Variants in RTTN observed in about 807,000 individuals in gnomAD.
RTTN encodes the protein rotatin.
A neutral mutation model predicts 269.2 loss-of-function variants in RTTN; 182 were observed. That is an observed-to-expected ratio of 0.68 (90% CI 0.60 to 0.76). RTTN has a LOEUF of 0.76. RTTN is among the 30% of genes least tolerant of loss of function. RTTN has a pLI of 0.00. For missense variants in RTTN, 2,545 were observed against 2,608.6 expected, an observed-to-expected ratio of 0.98 and a Z score of 0.53; for synonymous variants, 1,006 against 963.5, an observed-to-expected ratio of 1.04 and a Z score of -0.82.
At chr18:70,069,385 C>A (rs1355025078) in intron 34 of RTTN, among the ~76,000 whole-genome samples, 2 of 152,106 alleles carry the variant, frequency 1.3e-5, no homozygotes, top group Non-Finnish European at 2.9e-5. Context: ...GGACTCAAAT[C>A]TTGCTTATAA....
At chr18:70,022,115 T>C (rs1401641711) in intron 44 of RTTN, among the ~76,000 whole-genome samples, 3 of 152,216 alleles carry the variant, frequency 2.0e-5, no homozygotes, top group African/African-American at 2.4e-5. Context: ...TACTTAACAC[T>C]GCCAGCAATC....
chr18:70,027,032 C>T (rs76022405), intron 43 of RTTN, among the ~76,000 whole-genome samples: 92 of 152,270 alleles, frequency 6.0e-4, no homozygotes, highest in African/African-American at 2.2e-3. Context: ...GGAAGTCATT[C>T]TACATTCCTC....
At chr18:70,102,198 T>C (rs557072529) in intron 28 of RTTN, among the ~76,000 whole-genome samples, 2 of 152,166 alleles carry the variant, frequency 1.3e-5, no homozygotes, top group Non-Finnish European at 2.9e-5. Flanking sequence ...CCCATTATTA[T>C]TGTGTGGAGT....
chr18:70,182,470 GCCCTGACAAGGCA>G (rs1568528218), intron 10 of RTTN, among the ~76,000 whole-genome samples: 4 of 151,992 alleles, frequency 2.6e-5, no homozygotes, highest in Non-Finnish European at 4.4e-5. Flanking sequence ...TGATTCTACT[GCCCTGACAAGGCA>G]GCAAAAGGGA....
chr18:70,175,096 T>C (rs1599912580), intron 11 of RTTN, among the ~76,000 whole-genome samples: 1 of 131,894 alleles, frequency 7.6e-6, no homozygotes, highest in South Asian at 2.5e-4. Context: ...ACGCTGTCAA[T>C]TGGACTTAAA....
intron 25 of RTTN, among the ~76,000 whole-genome samples, chr18:70,125,120 T>C (rs1410543909): frequency 1.3e-5 from 2 of 152,064 alleles, no homozygotes; most frequent in East Asian, 3.9e-4. Context: ...AAAATAATCA[T>C]CTTGGAAAGT....
At chr18:70,082,185 T>G (rs913181996) in intron 32 of RTTN, among the ~76,000 whole-genome samples, 1 of 152,188 alleles carries the variant, frequency 6.6e-6, no homozygotes, top group African/African-American at 2.4e-5. Flanking sequence ...CATTATGTTA[T>G]TTAAGTGCAT....
chr18:70,031,158 A>G (rs1356992433), intron 40 of RTTN, 177 bp from the exon 41 acceptor site: 5 of 559,260 alleles, frequency 8.9e-6, no homozygotes, highest in East Asian at 2.9e-5. Flanking sequence ...ATAAGACTGT[A>G]TAAGTTGCTT....
Position 70,119,534 on chromosome 18 carries a change from CT to C in RTTN, c.3528+2021del, listed in dbSNP as rs1012253832. ...ACAGGAAAGAAGAAATGAAAGGAGACTAACAACCCAATTGTGGCGGAGAACC... is the reference window on the plus strand; with the variant it reads ...ACAGGAAAGAAGAAATGAAAGGAGACAACAACCCAATTGTGGCGGAGAACC... On this transcript the variant is annotated intron_variant, in intron 26 of 48. Transcript: ENST00000640769. Among the ~76,000 whole-genome samples the C allele has an allele frequency of 5.7e-4, 86 of 151,700 alleles. 1 individual carries two copies. The highest frequency in any genetic ancestry group is 5.6e-3 in the Admixed American group (85 of 15,194).
At chr18:70,018,274 T>A (rs955174925) in intron 45 of RTTN, among the ~76,000 whole-genome samples, 3 of 152,080 alleles carry the variant, frequency 2.0e-5, no homozygotes, top group African/African-American at 7.2e-5. Context: ...ACTGTAAGAG[T>A]CTTTTCAACC....
In RTTN at chr18:70,020,673, A is replaced by C. The variant is rs2056677038; in HGVS notation, c.6095T>G (p.Val2032Gly). 1.9e-6 allele frequency: 3 copies of C among 1,614,016 alleles called. No individual in the cohort carries two copies. Among genetic ancestry groups the C allele is most frequent in the East Asian group, 4.5e-5 (2 of 44,882 alleles). Residue 2032 changes from valine (V) to glycine (G), a missense_variant, in exon 45 of 49, where the codon GTT (valine) becomes GGT (glycine). Val to Gly is a moderately radical substitution (Grantham distance 109, BLOSUM62 -3). Coordinates refer to ENST00000640769, the MANE Select transcript of RTTN (RefSeq NM_173630.4). ...PLENTTVQQM[V>G]FMLLSNLALS... Reference sequence around the variant, plus strand: ...GGCCAGGTTTGAAAGAAGCATAAAAACCATCTGCTGAACCGTGGTGTTCTC... The same window carrying C: ...GGCCAGGTTTGAAAGAAGCATAAAACCCATCTGCTGAACCGTGGTGTTCTC...
At chr18:70,047,889 A>T (rs2057536602) in intron 40 of RTTN, 82 bp downstream of exon 40, 1 of 1,034,958 alleles carries the variant, frequency 9.7e-7, no homozygotes, top group African/African-American at 1.6e-5. Context: ...AATGACTGAG[A>T]CAGTTTTTAA....
chr18:70,128,011 TA>T, intron 24 of RTTN: 2 of 454,240 alleles, frequency 4.4e-6, no homozygotes, highest in Non-Finnish European at 7.9e-6. Flanking sequence ...TATTCAAAAG[TA>T]ATCACCATCA....
chr18:70,191,777 C>T (rs567358370), intron 8 of RTTN, among the ~76,000 whole-genome samples: 19 of 152,284 alleles, frequency 1.2e-4, no homozygotes, highest in African/African-American at 4.3e-4. Context: ...CCAACTTTGT[C>T]GTTTCTTCAA....
intron 4 of RTTN, among the ~76,000 whole-genome samples, chr18:70,200,199 G>A (rs2061913504): frequency 1.3e-5 from 2 of 152,254 alleles, no homozygotes; most frequent in South Asian, 4.1e-4. Context: ...CGCTAAATGT[G>A]GATAGCAGTA....
intron 28 of RTTN, among the ~76,000 whole-genome samples, chr18:70,103,614 C>T (rs142992710): frequency 1.4e-4 from 21 of 152,154 alleles, no homozygotes; most frequent in African/African-American, 4.6e-4. Flanking sequence ...GGGACACAGA[C>T]ACTGCGGAAG....
At chr18:70,035,092 A>C (rs568717718) in intron 40 of RTTN, among the ~76,000 whole-genome samples, 31 of 152,368 alleles carry the variant, frequency 2.0e-4, no homozygotes, top group South Asian at 8.3e-4. Flanking sequence ...AAAACATTCC[A>C]TGAACATGGC....
chr18:70,006,564 C>A (rs1051552747), intron 46 of RTTN, 80 bp from the exon 47 acceptor site: 11 of 1,031,948 alleles, frequency 1.1e-5, no homozygotes, highest in African/African-American at 6.4e-5. Flanking sequence ...TCAGACACCC[C>A]CCTCTTTTCC....
chr18:70,041,380 G>GCACACACA (rs10701052), intron 40 of RTTN, among the ~76,000 whole-genome samples: 15 of 147,498 alleles, frequency 1.0e-4, no homozygotes, highest in East Asian at 8.1e-4. Context: ...AAATGGGATT[G>GCACACACA]CACACACACA....
Sources: gnomAD v4.1 joint callset for allele counts (sites outside exome capture counted in the v4.1 genomes callset) on GRCh38, gnomAD v4.1.1 for gene constraint, MANE v1.5 for transcripts, NCBI Gene and HGNC (gene_info 2026-07-23, HGNC 2026-07-21) for gene names.